Variants in ANO1 observed in about 807,000 individuals in gnomAD.
ANO1 encodes anoctamin 1.
Under a neutral mutation model 124.0 loss-of-function variants are expected in ANO1, and 59 were observed. The observed-to-expected ratio is 0.48, with a 90% CI of 0.39 to 0.59. The LOEUF (loss-of-function observed/expected upper bound fraction) is 0.59, where lower values mean the gene tolerates loss of function less well. Ranked by LOEUF, ANO1 falls within the 20% of genes least tolerant of loss-of-function variation. The pLI is 0.00. For missense variants in ANO1, 1,059 were observed against 1,328.0 expected, an observed-to-expected ratio of 0.80 and a Z score of 3.15; for synonymous variants, 529 against 532.0, an observed-to-expected ratio of 0.99 and a Z score of 0.08.
At chr11:70,140,631 C>T (rs1194947369) in intron 11 of ANO1, among the ~76,000 whole-genome samples, 1 of 152,054 alleles carries the variant, frequency 6.6e-6, no homozygotes, top group Non-Finnish European at 1.5e-5. Flanking sequence ...AGGACCGTGC[C>T]TACCCTAGGT....
chr11:70,118,419 G>T (rs2509141), intron 8 of ANO1, among the ~76,000 whole-genome samples: 103,711 of 151,988 alleles, frequency 0.68, 35,656 homozygotes, highest in Admixed American at 0.74. Flanking sequence ...CACTCCCCAT[G>T]TAATTTTAGG....
Position 70,133,085 on chromosome 11 carries a change from C to A in ANO1, c.1258+1006C>A, listed in dbSNP as rs74675680. Among the ~76,000 whole-genome samples the A allele has an allele frequency of 9.0e-3, 1,370 of 152,334 alleles. 11 individuals carry two copies. Among genetic ancestry groups the A allele is most frequent in the Non-Finnish European group, 0.015 (992 of 68,022 alleles). On this transcript the variant is annotated intron_variant, in intron 11 of 25. Transcript: ENST00000355303. ...TCCCACCTCGTACCCCTGCTTGGGGCAGGCTCCCGGGGCCAGAATAGCGCC... is the reference window on the plus strand; with the variant it reads ...TCCCACCTCGTACCCCTGCTTGGGGAAGGCTCCCGGGGCCAGAATAGCGCC...
At chr11:70,030,042 C>A (rs964305648) in intron 1 of ANO1, among the ~76,000 whole-genome samples, 1 of 152,192 alleles carries the variant, frequency 6.6e-6, no homozygotes, top group African/African-American at 2.4e-5. Context: ...CTAGGTGGTG[C>A]CACCAGGAGG....
At chr11:70,122,091 G>A (rs1254106524) in intron 8 of ANO1, among the ~76,000 whole-genome samples, 18 of 45,298 alleles carry the variant, frequency 4.0e-4, no homozygotes, top group South Asian at 8.8e-4. Flanking sequence ...CTCTCTCTCC[G>A]TCTCCCCCAC....
At chr11:70,180,516 G>A (rs963712064) in intron 23 of ANO1, among the ~76,000 whole-genome samples, 1 of 152,040 alleles carries the variant, frequency 6.6e-6, no homozygotes, top group Non-Finnish European at 1.5e-5. Flanking sequence ...CAGGTGATTC[G>A]CCCTCCTCGG....
upstream of ANO1, among the ~76,000 whole-genome samples, chr11:69,981,138 A>T (rs1855956602): frequency 6.6e-6 from 1 of 152,232 alleles, no homozygotes; most frequent in Non-Finnish European, 1.5e-5. Context: ...GCACAGGAAG[A>T]CCATGAATCT....
chr11:70,133,233 G>A (rs1478693515), intron 11 of ANO1, among the ~76,000 whole-genome samples: 1 of 152,144 alleles, frequency 6.6e-6, no homozygotes, highest in Non-Finnish European at 1.5e-5. Context: ...CAGGTTGCGG[G>A]GCTCTGTGTG....
intron 9 of ANO1, 34 bp downstream of exon 9, chr11:70,124,448 C>T: frequency 1.2e-6 from 2 of 1,603,236 alleles, no homozygotes; most frequent in Non-Finnish European, 1.7e-6. Flanking sequence ...GGAATCAAGT[C>T]CCTACTCCGA....
chr11:70,036,700 C>T (rs1350015641), intron 1 of ANO1, among the ~76,000 whole-genome samples: 1 of 152,126 alleles, frequency 6.6e-6, no homozygotes, highest in East Asian at 1.9e-4. Flanking sequence ...CTCCACCTCC[C>T]GGGTTCATGC....
At chr11:70,027,590 C>T (rs1443905780) in intron 1 of ANO1, among the ~76,000 whole-genome samples, 3 of 152,196 alleles carry the variant, frequency 2.0e-5, no homozygotes, top group African/African-American at 7.2e-5. Flanking sequence ...CTCTGTTTTC[C>T]CCCAGCATGT....
chr11:70,108,154 C>T, intron 5 of ANO1, 199 bp from the exon 6 acceptor site: 1 of 511,148 alleles, frequency 2.0e-6, no homozygotes, highest in Non-Finnish European at 3.5e-6. Context: ...CTGAGAAGCT[C>T]AAGCCTTTGA....
chr11:70,187,551 A>C (rs1315590415), intron 25 of ANO1, among the ~76,000 whole-genome samples, 187 bp from the exon 26 acceptor site: 1 of 152,074 alleles, frequency 6.6e-6, no homozygotes, highest in South Asian at 2.1e-4. Flanking sequence ...GTCGGCCAAC[A>C]TTTCCCAGAG....
At chr11:69,977,465 G>A in the ANO1 span, among the ~76,000 whole-genome samples, 1 of 152,236 alleles carries the variant, frequency 6.6e-6, no homozygotes, top group African/African-American at 2.4e-5. Context: ...AGATCCTGGT[G>A]TGAGTGGGTG....
At chr11:70,126,617 G>A (rs887924036) in intron 10 of ANO1, among the ~76,000 whole-genome samples, 7 of 151,926 alleles carry the variant, frequency 4.6e-5, no homozygotes, top group Admixed American at 3.3e-4. Context: ...GATGCCAGAG[G>A]CCTCAGTGCT....
chr11:70,186,663 G>A (rs2049140559), intron 25 of ANO1, among the ~76,000 whole-genome samples: 1 of 152,162 alleles, frequency 6.6e-6, no homozygotes, highest in Non-Finnish European at 1.5e-5. Context: ...TCCCAGAGAG[G>A]CAGTATCCTG....
At chr11:70,003,786 G>A (rs12360873) in intron 1 of ANO1, among the ~76,000 whole-genome samples, 73,854 of 151,812 alleles carry the variant, frequency 0.49, 19,218 homozygotes, top group East Asian at 0.89. Flanking sequence ...TGATTGAGCA[G>A]GTGGATAAAG....
At chr11:70,160,270 G>A (rs1411000528) in intron 16 of ANO1, among the ~76,000 whole-genome samples, 1 of 152,120 alleles carries the variant, frequency 6.6e-6, no homozygotes, top group Admixed American at 6.5e-5. Context: ...GAGGAGCCTG[G>A]CTTTGCTGTG....
chr11:70,164,460 A>C (rs1035156146), intron 19 of ANO1, among the ~76,000 whole-genome samples: 1 of 152,172 alleles, frequency 6.6e-6, no homozygotes, highest in African/African-American at 2.4e-5. Context: ...TCCTTTTTAC[A>C]TGATGATCCC....
chr11:70,100,618 G>A (rs971470705), intron 2 of ANO1, among the ~76,000 whole-genome samples: 2 of 152,194 alleles, frequency 1.3e-5, no homozygotes, highest in Admixed American at 1.3e-4. Context: ...CCACTTTGGG[G>A]TCACGTGTTA....
Sources: gnomAD v4.1 joint callset for allele counts (sites outside exome capture counted in the v4.1 genomes callset) on GRCh38, gnomAD v4.1.1 for gene constraint, MANE v1.5 for transcripts, NCBI Gene and HGNC (gene_info 2026-07-23, HGNC 2026-07-21) for gene names.